Variants in BMPR1A observed in about 807,000 individuals in gnomAD.
BMPR1A encodes bone morphogenetic protein receptor type-1A.
A neutral mutation model predicts 66.0 loss-of-function variants in BMPR1A; 7 were observed. The observed-to-expected ratio is 0.11, with a 90% CI of 0.06 to 0.20. The LOEUF is 0.20. Ranked by LOEUF, BMPR1A falls within the 10% of genes least tolerant of loss-of-function variation. The pLI, the probability that BMPR1A is intolerant of heterozygous loss-of-function variation, is 1.00. For synonymous variants in BMPR1A, 200 were observed against 229.7 expected, an observed-to-expected ratio of 0.87 and a Z score of 1.17; for missense variants, 408 against 669.1, an observed-to-expected ratio of 0.61 and a Z score of 4.31.
At chr10:86,918,472 GCTAA>G (rs1843609056) in intron 9 of BMPR1A, among the ~76,000 whole-genome samples, 1 of 152,236 alleles carries the variant, frequency 6.6e-6, no homozygotes, top group East Asian at 1.9e-4. Context: ...TTAATTAGGA[GCTAA>G]CTCTTAGTTG....
At chr10:86,826,695 GT>G (rs200221707) in intron 1 of BMPR1A, among the ~76,000 whole-genome samples, 1 of 151,008 alleles carries the variant, frequency 6.6e-6, no homozygotes, top group Admixed American at 6.6e-5. Flanking sequence ...TTTTTTACAT[GT>G]TTTTTTTCCG....
intron 1 of BMPR1A, among the ~76,000 whole-genome samples, chr10:86,793,762 A>C (rs1285141621): frequency 6.6e-6 from 1 of 152,138 alleles, no homozygotes; most frequent in East Asian, 1.9e-4. Flanking sequence ...ATAGAGCACA[A>C]ATTTATTATC....
In BMPR1A at chr10:86,917,128, A is replaced by C. The variant is rs186999445; in HGVS notation, c.676-6A>C. The C allele has an allele frequency of 5.3e-5, 85 of 1,613,818 alleles. 1 individual carries two copies. Among genetic ancestry groups the C allele is most frequent in the Admixed American group, 4.2e-4 (25 of 59,978 alleles). On this transcript the variant is annotated splice_region_variant and splice_polypyrimidine_tract_variant and intron_variant, in intron 8 of 12. Transcript: ENST00000372037. ...GAGCTCAAACCTTTTACTTTTTTCT[A>C]TAAAGGTTCAGCGAACTATTGCCAA... is the stretch of plus-strand genomic sequence containing the variant.
chr10:86,832,565 T>C (rs922865588), intron 1 of BMPR1A, among the ~76,000 whole-genome samples: 1 of 152,172 alleles, frequency 6.6e-6, no homozygotes, highest in African/African-American at 2.4e-5. Flanking sequence ...GAACACTTTA[T>C]CACCTCCCAC....
At chr10:86,912,949 GA>G (rs952378080) in intron 8 of BMPR1A, among the ~76,000 whole-genome samples, 11 of 150,050 alleles carry the variant, frequency 7.3e-5, no homozygotes, top group South Asian at 4.2e-4. Context: ...TGGTATCAGG[GA>G]AAAAAAAATA....
chr10:86,824,100 TGTGTG>T (rs1842159109), intron 1 of BMPR1A, among the ~76,000 whole-genome samples: 1 of 151,368 alleles, frequency 6.6e-6, no homozygotes, highest in Non-Finnish European at 1.5e-5. Flanking sequence ...TGTGTGTGTG[TGTGTG>T]TGTGTGTTTC....
Position 86,864,520 on chromosome 10 carries a change from G to A in BMPR1A, c.-152-11347G>A, listed in dbSNP as rs571667742. 2.0e-3 allele frequency among the ~76,000 whole-genome samples: 306 copies of A among 152,256 alleles called. 2 individuals carry two copies. The highest frequency in any genetic ancestry group is 6.8e-3 in the African/African-American group (281 of 41,540). ...GCAGTTGTCCTCCAAGGACAACTCC[G>A]AGGCCTTGACTTACTCACTGCTGAA... On this transcript the variant is annotated intron_variant, in intron 2 of 12. Coordinates refer to ENST00000372037, the MANE Select transcript of BMPR1A (RefSeq NM_004329.3).
intron 1 of BMPR1A, among the ~76,000 whole-genome samples, chr10:86,760,594 A>G (rs578165489): frequency 7.2e-5 from 11 of 152,258 alleles, no homozygotes; most frequent in African/African-American, 2.6e-4. Flanking sequence ...GTGGGTCTGT[A>G]ACGGACTTTT....
At position 86,924,831 on chromosome 10, in the gene BMPR1A, A is replaced by T; in HGVS notation, c.*1112A>T. Reference sequence around the variant, plus strand: ...GTACCTCATATCCCATCCTTAAGAGAAGAAATGTTATAAAGTAGAACTAAA... The same window carrying T: ...GTACCTCATATCCCATCCTTAAGAGTAGAAATGTTATAAAGTAGAACTAAA... On this transcript the variant is annotated 3_prime_UTR_variant, in exon 13 of 13. Transcript: ENST00000372037. The T allele has an allele frequency of 4.3e-6, 1 of 232,622 alleles. No individual in the cohort carries two copies. The allele number at this position is 232,622 out of a possible 1,614,324, so 14.4% of individuals were successfully genotyped here. A position where few individuals can be genotyped will look rare whatever the true frequency, so the allele number is the denominator to read the frequency against.
chr10:86,844,972 C>T (rs1286980996), intron 2 of BMPR1A, among the ~76,000 whole-genome samples: 8 of 152,234 alleles, frequency 5.3e-5, no homozygotes, highest in Admixed American at 2.0e-4. Flanking sequence ...GATGAGGTTT[C>T]GCCATGTTGG....
intron 1 of BMPR1A, among the ~76,000 whole-genome samples, chr10:86,828,860 T>C (rs1842231043): frequency 6.6e-6 from 1 of 152,192 alleles, no homozygotes; most frequent in Admixed American, 6.5e-5. Context: ...GAGGGTGTTA[T>C]CAAAAAATTT....
At chr10:86,836,808 C>CTGGGCATGGT (rs1842354447) in intron 1 of BMPR1A, among the ~76,000 whole-genome samples, 1 of 152,066 alleles carries the variant, frequency 6.6e-6, no homozygotes, top group African/African-American at 2.4e-5. Context: ...TTGTATGTAC[C>CTGGGCATGGT]TGTAGTCCCA....
chr10:86,833,883 C>T (rs990463196), intron 1 of BMPR1A, among the ~76,000 whole-genome samples: 3 of 152,096 alleles, frequency 2.0e-5, no homozygotes, highest in Admixed American at 1.3e-4. Context: ...AAAAGATACA[C>T]GTTAAGATGA....
chr10:86,855,364 G>T, intron 2 of BMPR1A: 2 of 879,736 alleles, frequency 2.3e-6, no homozygotes, highest in South Asian at 1.9e-5. Context: ...CACCTGCACT[G>T]AACTAGACAC....
intron 2 of BMPR1A, chr10:86,856,261 C>CA: frequency 1.9e-6 from 1 of 520,524 alleles, no homozygotes; most frequent in Non-Finnish European, 3.9e-6. Context: ...CTTCTTGTTT[C>CA]AAAGTACTTG....
intron 1 of BMPR1A, among the ~76,000 whole-genome samples, chr10:86,787,207 C>A (rs1186956251): frequency 2.0e-5 from 3 of 152,046 alleles, no homozygotes; most frequent in African/African-American, 7.2e-5. Flanking sequence ...CATAAGAGCA[C>A]AGAAACAAAC....
downstream of BMPR1A, chr10:86,931,886 A>C (rs1589296266): frequency 6.6e-6 from 1 of 151,880 alleles, no homozygotes; most frequent in South Asian, 2.1e-4. Flanking sequence ...AACAAATCTC[A>C]GGTCCCCTAG....
intron 1 of BMPR1A, among the ~76,000 whole-genome samples, chr10:86,764,494 G>T (rs936604120): frequency 6.6e-6 from 1 of 152,174 alleles, no homozygotes; most frequent in Non-Finnish European, 1.5e-5. Flanking sequence ...GAAGTTGTAC[G>T]TGTATATTTT....
chr10:86,921,574 C>T lies in BMPR1A; in HGVS notation c.1221C>T (p.Tyr407=), dbSNP rs1131691181. The change falls in exon 11 of 13, where the codon TAC becomes TAT. Residue 407 remains tyrosine (Y), a synonymous_variant. Transcript: ENST00000372037. ...PLNTRVGTKR[Y]MAPEVLDESL... is the part of the protein sequence containing the mutation. Reference sequence around the variant, plus strand: ...ATACCAGGGTGGGCACCAAACGCTACATGGCTCCCGAAGTGCTGGACGAAA... The same window carrying T: ...ATACCAGGGTGGGCACCAAACGCTATATGGCTCCCGAAGTGCTGGACGAAA... 1 of 1,614,166 alleles carries T rather than the reference C, an allele frequency of 6.2e-7. No individual in the cohort carries two copies. Among genetic ancestry groups the T allele is most frequent in the African/African-American group, 1.3e-5 (1 of 75,050 alleles).
Sources: gnomAD v4.1 joint callset for allele counts (sites outside exome capture counted in the v4.1 genomes callset) on GRCh38, gnomAD v4.1.1 for gene constraint, MANE v1.5 for transcripts, NCBI Gene and HGNC (gene_info 2026-07-23, HGNC 2026-07-21) for gene names.